DAPK1: variants seen among roughly 807,000 people sequenced by gnomAD.
DAPK1 encodes the protein death-associated protein kinase 1.
A neutral mutation model predicts 144.9 loss-of-function variants in DAPK1; 56 were observed. The ratio of observed to expected loss-of-function variants is 0.39; its 90% CI spans 0.31 to 0.48. DAPK1 has a LOEUF of 0.48. DAPK1 is among the 20% of genes least tolerant of loss of function. The probability of loss-of-function intolerance (pLI) is 0.95; values close to 1 mark genes in which losing one functional copy is unlikely to be tolerated. For missense variants in DAPK1, 1,454 were observed against 1,875.4 expected (o/e 0.78, Z 4.15); for synonymous variants, 690 against 749.0 (o/e 0.92, Z 1.29).
chr9:87,569,672 C>G (rs901245304), intron 2 of DAPK1, among the ~76,000 whole-genome samples: 8 of 151,928 alleles, frequency 5.3e-5, no homozygotes, highest in Non-Finnish European at 1.2e-4. Flanking sequence ...AGTGTCAATG[C>G]GGGTGCATCC....
At chr9:87,513,055 T>C (rs143741542) in intron 2 of DAPK1, among the ~76,000 whole-genome samples, 2 of 152,302 alleles carry the variant, frequency 1.3e-5, no homozygotes, top group East Asian at 1.9e-4. Flanking sequence ...AAAAGGAAAA[T>C]ACTTGGAAAT....
At chr9:87,576,812 G>A (rs147210719) in intron 2 of DAPK1, among the ~76,000 whole-genome samples, 93 of 152,202 alleles carry the variant, frequency 6.1e-4, no homozygotes, top group African/African-American at 1.9e-3. Flanking sequence ...TGCCCACCTC[G>A]GCCTCCCAAA....
chr9:87,571,467 AC>A (rs1827336645), intron 2 of DAPK1, among the ~76,000 whole-genome samples: 1 of 55,954 alleles, frequency 1.8e-5, no homozygotes, highest in African/African-American at 9.2e-5. Flanking sequence ...ACACACACAC[AC>A]ACACACCAAC....
Position 87,706,291 on chromosome 9 carries a change from C to A in DAPK1, c.3220C>A (p.Pro1074Thr). Reference sequence around the variant, plus strand: ...CGTGGAGGACATCCAGCGCCTGGTGCCCGACAGCGACGTGGAGGAGCTGCT... The same window carrying A: ...CGTGGAGGACATCCAGCGCCTGGTGACCGACAGCGACGTGGAGGAGCTGCT... ...YTVEDIQRLVPDSDVEELLQI... is the reference protein window; with the variant it reads ...YTVEDIQRLVTDSDVEELLQI... The change falls in exon 26 of 26, where the codon CCC becomes ACC. Residue 1074 changes from proline (P) to threonine (T), a missense_variant. By Grantham distance (38) the Pro-to-Thr change is conservative. Transcript: ENST00000408954. The surrounding 1 kb of genome is among the most constrained non-coding windows in gnomAD (Gnocchi z 9.0). 6.2e-7 allele frequency: 1 copy of A among 1,611,962 alleles called. No homozygotes were observed. Among genetic ancestry groups the A allele is most frequent in the Non-Finnish European group, 8.5e-7 (1 of 1,178,864 alleles).
At chr9:87,596,705 T>C (rs1306312461) in intron 2 of DAPK1, among the ~76,000 whole-genome samples, 1 of 152,230 alleles carries the variant, frequency 6.6e-6, no homozygotes, top group Non-Finnish European at 1.5e-5. Flanking sequence ...ACTTTCTGTG[T>C]CGAATCCTTC....
At chr9:87,605,506 T>TTC (rs1396563765) in intron 3 of DAPK1, among the ~76,000 whole-genome samples, 1 of 151,516 alleles carries the variant, frequency 6.6e-6, no homozygotes, top group Non-Finnish European at 1.5e-5. Flanking sequence ...GCATATGTCC[T>TTC]TCTCCCCTCT....
intron 20 of DAPK1, among the ~76,000 whole-genome samples, chr9:87,682,741 C>G (rs1824684506): frequency 6.6e-6 from 1 of 152,176 alleles, no homozygotes; most frequent in Non-Finnish European, 1.5e-5. Flanking sequence ...GAAATATGGT[C>G]TGAAGGACGC....
intron 19 of DAPK1, among the ~76,000 whole-genome samples, chr9:87,672,445 C>A (rs1170819077): frequency 2.0e-5 from 3 of 152,148 alleles, no homozygotes; most frequent in Non-Finnish European, 4.4e-5. Context: ...GCTCGGGGGG[C>A]TCCAGGGCAG....
chr9:87,633,370 A>G (rs1829781141), intron 3 of DAPK1: 1 of 985,048 alleles, frequency 1.0e-6, no homozygotes, highest in East Asian at 1.1e-4. Context: ...GGGGGGATGG[A>G]GTGAATACAT....
chr9:87,635,556 G>A (rs1255869185), intron 3 of DAPK1, among the ~76,000 whole-genome samples: 3 of 152,102 alleles, frequency 2.0e-5, no homozygotes, highest in South Asian at 4.2e-4. Context: ...GAGGAGGAGC[G>A]GGCAGGAAGG....
At chr9:87,626,494 T>G (rs1244226562) in intron 3 of DAPK1, among the ~76,000 whole-genome samples, 3 of 152,162 alleles carry the variant, frequency 2.0e-5, no homozygotes, top group African/African-American at 7.2e-5. Flanking sequence ...AGCAACTTCA[T>G]GAACTGCTGC....
Position 87,628,747 on chromosome 9 carries a change from A to G in DAPK1, c.285-9196A>G, listed in dbSNP as rs75049311. 7.0e-3 allele frequency among the ~76,000 whole-genome samples: 1,064 copies of G among 152,308 alleles called. 10 individuals are homozygous for G. Among genetic ancestry groups the G allele is most frequent in the African/African-American group, 0.023 (956 of 41,568 alleles). ...GTTACGGTAAAGGAGGAATCATCTC[A>G]AAATGCTTGGGGAGTTACTTAAACC... On this transcript the variant is annotated intron_variant, in intron 3 of 25. Transcript: ENST00000408954.
At position 87,651,817 on chromosome 9, in the gene DAPK1, G is replaced by T. The variant is rs547670585; in HGVS notation, c.1824+93G>T. 8.0e-6 allele frequency: 9 copies of T among 1,131,122 alleles called. No homozygotes were observed. In the East Asian group the frequency reaches 2.0e-4, roughly 26 times the overall value. The allele number at this position is 1,131,122 out of a possible 1,614,324, so 70.1% of individuals were successfully genotyped here. The stretch of plus-strand genomic sequence containing the variant: ...TCTGTGTCCTCTCACCTGATCCCAG[G>T]TCCTGATTCTGTGTCCTCCCACCTG... On this transcript the variant is annotated intron_variant, in intron 17 of 25. Transcript: ENST00000408954.
At chr9:87,582,529 C>T (rs1311942754) in intron 2 of DAPK1, among the ~76,000 whole-genome samples, 2 of 149,226 alleles carry the variant, frequency 1.3e-5, no homozygotes, top group Non-Finnish European at 3.0e-5. Flanking sequence ...TTTCTCCTTA[C>T]TATGGTCACA....
At position 87,532,317 on chromosome 9, in the gene DAPK1, A is replaced by G. The variant is rs139021203; in HGVS notation, c.62+33178A>G. On this transcript the variant is annotated intron_variant, in intron 2 of 25. Coordinates refer to ENST00000408954, the MANE Select transcript of DAPK1 (RefSeq NM_004938.4). ...AATGATATGAGATTCAGATTTTAGTATTCATAAATAAAGTTTTACTGGAAC... is the reference window on the plus strand; with the variant it reads ...AATGATATGAGATTCAGATTTTAGTGTTCATAAATAAAGTTTTACTGGAAC... Among the ~76,000 whole-genome samples, 14 of 152,362 alleles carry G rather than the reference A, an allele frequency of 9.2e-5. No homozygotes were observed. In the East Asian group the frequency reaches 2.7e-3, roughly 29 times the overall value.
chr9:87,562,339 G>A (rs1826961004), intron 2 of DAPK1, among the ~76,000 whole-genome samples: 1 of 152,220 alleles, frequency 6.6e-6, no homozygotes, highest in South Asian at 2.1e-4. Context: ...AGGACTGAAG[G>A]TAATGAAGCC....
intron 19 of DAPK1, among the ~76,000 whole-genome samples, chr9:87,677,350 C>G (rs1334561040): frequency 6.6e-6 from 1 of 152,168 alleles, no homozygotes; most frequent in Non-Finnish European, 1.5e-5. Flanking sequence ...AGAAGCCTCT[C>G]ACAGGGGCAG....
At chr9:87,498,312 C>A (rs937984443) in intron 1 of DAPK1, among the ~76,000 whole-genome samples, 1 of 152,158 alleles carries the variant, frequency 6.6e-6, no homozygotes, top group African/African-American at 2.4e-5. Flanking sequence ...ACAGGTGGCG[C>A]CGGCCCGACC....
chr9:87,546,862 G>GAAAAA (rs137881323), intron 2 of DAPK1, among the ~76,000 whole-genome samples: 1 of 149,688 alleles, frequency 6.7e-6, no homozygotes, highest in African/African-American at 2.4e-5. Flanking sequence ...GCTTTATAAA[G>GAAAAA]AAAAAAAAAA....
Sources: allele counts gnomAD v4.1 joint callset (sites outside exome capture counted in the v4.1 genomes callset), GRCh38; gene constraint gnomAD v4.1.1; non-coding constraint Gnocchi (gnomAD v3.1); transcripts MANE v1.5; gene names NCBI Gene and HGNC (gene_info 2026-07-23, HGNC 2026-07-21).